GRXCR1: variants seen among roughly 807,000 people sequenced by gnomAD.
The protein encoded by GRXCR1 is glutaredoxin and cysteine rich domain containing 1, also known as glutaredoxin domain-containing cysteine-rich protein 1.
Under a neutral mutation model 27.3 loss-of-function variants are expected in GRXCR1, and 27 were observed. That is an observed-to-expected ratio of 0.99 (90% CI 0.73 to 1.37). The LOEUF is 1.37. Among genes scored for constraint, GRXCR1 ranks in the 40% most tolerant of loss-of-function variants. GRXCR1 has a pLI of 0.00. For missense variants in GRXCR1, 379 were observed against 354.4 expected, an observed-to-expected ratio of 1.07 and a Z score of -0.56; for synonymous variants, 122 against 131.1, an observed-to-expected ratio of 0.93 and a Z score of 0.47.
At chr4:42,896,723 G>T (rs921871857) in intron 1 of GRXCR1, among the ~76,000 whole-genome samples, 1 of 152,034 alleles carries the variant, frequency 6.6e-6, no homozygotes, top group African/African-American at 2.4e-5. Context: ...GTATCAAAGA[G>T]AAATTCATCC....
At chr4:42,983,581 A>T (rs1560675031) in intron 2 of GRXCR1, among the ~76,000 whole-genome samples, 1 of 151,778 alleles carries the variant, frequency 6.6e-6, no homozygotes, top group Non-Finnish European at 1.5e-5. Context: ...AGTTTTTTCC[A>T]ATTCTGTGAA....
At chr4:42,909,581 T>G (rs1044406461) in intron 1 of GRXCR1, among the ~76,000 whole-genome samples, 2 of 152,174 alleles carry the variant, frequency 1.3e-5, no homozygotes, top group Non-Finnish European at 2.9e-5. Flanking sequence ...GTTAGCCAAT[T>G]TTTAGGGTCA....
At chr4:43,029,230 A>G (rs1007261025) in intron 3 of GRXCR1, among the ~76,000 whole-genome samples, 3 of 152,160 alleles carry the variant, frequency 2.0e-5, no homozygotes, top group Non-Finnish European at 2.9e-5. Flanking sequence ...GGTTTCTTTT[A>G]GGTTGAATAT....
chr4:42,906,066 T>C (rs572802822), intron 1 of GRXCR1, among the ~76,000 whole-genome samples: 66 of 152,324 alleles, frequency 4.3e-4, no homozygotes, highest in Admixed American at 2.3e-3. Context: ...TTGAGGATTT[T>C]AATCTTTCTA....
intron 1 of GRXCR1, among the ~76,000 whole-genome samples, chr4:42,952,276 T>C (rs943708858): frequency 6.6e-6 from 1 of 152,164 alleles, no homozygotes; most frequent in Non-Finnish European, 1.5e-5. Flanking sequence ...AAACTTTATG[T>C]TCCCACCACT....
chr4:42,997,776 C>G (rs1013676479), intron 2 of GRXCR1, among the ~76,000 whole-genome samples: 3 of 152,112 alleles, frequency 2.0e-5, no homozygotes, highest in Admixed American at 1.3e-4. Context: ...CTTGCTTTTT[C>G]CATGGAAACC....
chr4:42,968,941 G>A (rs1439196071), intron 2 of GRXCR1, among the ~76,000 whole-genome samples: 1 of 152,040 alleles, frequency 6.6e-6, no homozygotes, highest in Admixed American at 6.6e-5. Context: ...ATAGATATTG[G>A]GTAGGCAGTT....
intron 2 of GRXCR1, among the ~76,000 whole-genome samples, chr4:42,994,438 C>G (rs1039740774): frequency 6.6e-6 from 1 of 152,014 alleles, no homozygotes; most frequent in Non-Finnish European, 1.5e-5. Context: ...AAGACAACAC[C>G]CATGCCTTAC....
chr4:42,989,106 C>A (rs1168213769), intron 2 of GRXCR1, among the ~76,000 whole-genome samples: 1 of 152,204 alleles, frequency 6.6e-6, no homozygotes, highest in Admixed American at 6.5e-5. Flanking sequence ...AACACACTTT[C>A]TATAATTTCC....
intron 3 of GRXCR1, among the ~76,000 whole-genome samples, chr4:43,025,125 A>T (rs62297811): frequency 0.84 from 127,149 of 151,524 alleles, 53,819 homozygotes; most frequent in East Asian, 0.99. Context: ...GAAATTTGAA[A>T]CTCAAATTTC....
chr4:42,988,860 G>T (rs1711866238), intron 2 of GRXCR1, among the ~76,000 whole-genome samples: 1 of 152,158 alleles, frequency 6.6e-6, no homozygotes, highest in Non-Finnish European at 1.5e-5. Flanking sequence ...CAGAGGATAA[G>T]AAGATCAATA....
At chr4:43,021,274 T>A (rs983253987) in intron 3 of GRXCR1, among the ~76,000 whole-genome samples, 2 of 152,126 alleles carry the variant, frequency 1.3e-5, no homozygotes, top group African/African-American at 4.8e-5. Flanking sequence ...AATGATATTG[T>A]TCCAATTCCT....
intron 2 of GRXCR1, among the ~76,000 whole-genome samples, chr4:43,012,793 A>T (rs2109803347): frequency 6.6e-6 from 1 of 152,272 alleles, no homozygotes; most frequent in Admixed American, 6.5e-5. Flanking sequence ...TCTTTTTTAA[A>T]AAAAACCTTG....
intron 1 of GRXCR1, among the ~76,000 whole-genome samples, chr4:42,959,201 A>G (rs1748074344): frequency 6.6e-6 from 1 of 152,032 alleles, no homozygotes; most frequent in Non-Finnish European, 1.5e-5. Flanking sequence ...AAATTAATAA[A>G]GAAATTGTGG....
intron 2 of GRXCR1, among the ~76,000 whole-genome samples, chr4:42,967,958 C>G (rs1001832599): frequency 1.3e-5 from 2 of 152,108 alleles, no homozygotes; most frequent in Admixed American, 6.6e-5. Context: ...GGTCCTTTTC[C>G]TAGATAATGT....
intron 2 of GRXCR1, among the ~76,000 whole-genome samples, chr4:42,978,432 T>C (rs1327127439): frequency 1.3e-5 from 2 of 152,102 alleles, no homozygotes; most frequent in Non-Finnish European, 2.9e-5. Flanking sequence ...TTCTAATCTA[T>C]GAACTCAGAA....
At chr4:42,934,240 T>TTTTATA (rs35232999) in intron 1 of GRXCR1, among the ~76,000 whole-genome samples, 5 of 146,452 alleles carry the variant, frequency 3.4e-5, no homozygotes, top group African/African-American at 5.0e-5. Flanking sequence ...TGATGTGATA[T>TTTTATA]TATATATATA....
In GRXCR1 at chr4:43,020,354, G is replaced by A. The variant is rs574341136; in HGVS notation, c.628G>A (p.Gly210Ser). Residue 210 changes from glycine to serine, a missense_variant and splice_region_variant, in exon 3 of 4, where the codon GGT (glycine) becomes AGT (serine). Physicochemically the swap from Gly to Ser is moderately conservative, Grantham distance 56. Transcript: ENST00000399770. ...TCTCCCTACTCTCTCTCGTTAATAG[G>A]GTGCTGAGAAAATTTTGTCAATGAA... ...VVFIDGHYLG[G>S]AEKILSMNES... is the part of the protein sequence containing the mutation. The A allele has an allele frequency of 6.2e-7, 1 of 1,602,404 alleles. No homozygotes were observed. The highest frequency in any genetic ancestry group is 1.7e-5 in the Admixed American group (1 of 59,926).
intron 2 of GRXCR1, among the ~76,000 whole-genome samples, chr4:42,967,032 AT>A (rs2109777293): frequency 6.6e-6 from 1 of 152,002 alleles, no homozygotes; most frequent in African/African-American, 2.4e-5. Context: ...AAGAGCAAAA[AT>A]TTTTTAAGAT....
Sources: allele counts gnomAD v4.1 joint callset (sites outside exome capture counted in the v4.1 genomes callset), GRCh38; gene constraint gnomAD v4.1.1; transcripts MANE v1.5; gene names NCBI Gene and HGNC (gene_info 2026-07-23, HGNC 2026-07-21).